AKR1C8: variants seen among roughly 807,000 people sequenced by gnomAD.
AKR1C8 encodes the protein aldo-keto reductase family 1 member C8.
the AKR1C8 span, among the ~76,000 whole-genome samples, chr10:5,180,315 G>A: frequency 2.0e-5 from 3 of 152,234 alleles, no homozygotes; most frequent in Non-Finnish European, 2.9e-5. Flanking sequence ...GAATGCTGCT[G>A]TCTGATCATT....
the AKR1C8 span, chr10:5,123,579 G>C: frequency 5.0e-6 from 4 of 800,588 alleles, no homozygotes; most frequent in South Asian, 6.4e-5. Context: ...CATCACCTGG[G>C]ATCTCGTCAG....
the AKR1C8 span, among the ~76,000 whole-genome samples, chr10:5,139,631 A>G: frequency 2.6e-5 from 4 of 152,202 alleles, no homozygotes. Context: ...CCTTCCTTAT[A>G]TCTTGTACAA....
the AKR1C8 span, chr10:5,158,653 C>G: frequency 2.0e-6 from 1 of 489,210 alleles, no homozygotes; most frequent in Admixed American, 2.2e-5. Flanking sequence ...GAACAATGTC[C>G]TTGGACTTGC....
At chr10:5,144,966 C>T in the AKR1C8 span, among the ~76,000 whole-genome samples, 5 of 151,612 alleles carry the variant, frequency 3.3e-5, no homozygotes, top group Admixed American at 6.6e-5. Flanking sequence ...AAAGGGAATG[C>T]TTCCAGTTTT....
At chr10:5,148,572 G>A in the AKR1C8 span, among the ~76,000 whole-genome samples, 1 of 152,134 alleles carries the variant, frequency 6.6e-6, no homozygotes, top group Non-Finnish European at 1.5e-5. Context: ...TACAGAATGA[G>A]GCAAGTGATT....
the AKR1C8 span, among the ~76,000 whole-genome samples, chr10:5,144,264 T>C: frequency 6.6e-6 from 1 of 152,152 alleles, no homozygotes; most frequent in African/African-American, 2.4e-5. Flanking sequence ...CCATGCTGTT[T>C]TGGTTACTGT....
chr10:5,181,086 G>A, the AKR1C8 span, among the ~76,000 whole-genome samples: 2 of 152,168 alleles, frequency 1.3e-5, no homozygotes, highest in Admixed American at 6.5e-5. Context: ...CGTCACTCAC[G>A]CTGGGAGGTG....
chr10:5,152,866 G>T, the AKR1C8 span, among the ~76,000 whole-genome samples: 1 of 152,036 alleles, frequency 6.6e-6, no homozygotes, highest in South Asian at 2.1e-4. Context: ...TTAATGCGGG[G>T]AGATATTTTC....
At chr10:5,149,538 G>A in the AKR1C8 span, among the ~76,000 whole-genome samples, 1 of 151,824 alleles carries the variant, frequency 6.6e-6, no homozygotes. Flanking sequence ...TCTCTTTTTT[G>A]TGGTCTCAAA....
At chr10:5,163,905 T>C in the AKR1C8 span, among the ~76,000 whole-genome samples, 2 of 152,142 alleles carry the variant, frequency 1.3e-5, no homozygotes, top group Non-Finnish European at 2.9e-5. Flanking sequence ...ACTACACTAA[T>C]AAGAGAACAA....
chr10:5,158,695 A>G, the AKR1C8 span: 10 of 490,704 alleles, frequency 2.0e-5, no homozygotes, highest in South Asian at 1.5e-4. Context: ...GGTTGAGGTA[A>G]GGGTGACATT....
the AKR1C8 span, among the ~76,000 whole-genome samples, chr10:5,174,798 G>T: frequency 6.6e-6 from 1 of 151,446 alleles, no homozygotes; most frequent in South Asian, 2.1e-4. Context: ...TTTTGCCTAG[G>T]AATAAAAGAC....
At chr10:5,122,599 G>T in the AKR1C8 span, among the ~76,000 whole-genome samples, 2 of 152,096 alleles carry the variant, frequency 1.3e-5, no homozygotes, top group African/African-American at 4.8e-5. Context: ...TCCCATTCAA[G>T]AAACCAACCT....
At chr10:5,132,913 G>T in the AKR1C8 span, 21 of 321,900 alleles carry the variant, frequency 6.5e-5, no homozygotes, top group African/African-American at 3.0e-4. Context: ...ATCCCAATTT[G>T]CTTTAGTCTT....
At chr10:5,124,987 A>G in the AKR1C8 span, among the ~76,000 whole-genome samples, 1 of 151,142 alleles carries the variant, frequency 6.6e-6, no homozygotes, top group Non-Finnish European at 1.5e-5. Context: ...ACCTTTTGAA[A>G]ACGTAAAAAA....
At chr10:5,171,623 A>G in the AKR1C8 span, among the ~76,000 whole-genome samples, 1 of 152,050 alleles carries the variant, frequency 6.6e-6, no homozygotes, top group Non-Finnish European at 1.5e-5. Flanking sequence ...ATGTCTGAGC[A>G]TAAGGTAAGA....
the AKR1C8 span, among the ~76,000 whole-genome samples, chr10:5,133,851 A>T: frequency 4.6e-5 from 7 of 152,182 alleles, no homozygotes. Context: ...GACAGAAGTA[A>T]ATATGACGAG....
chr10:5,138,933 C>G, the AKR1C8 span, among the ~76,000 whole-genome samples: 10 of 152,288 alleles, frequency 6.6e-5, no homozygotes, highest in Admixed American at 5.9e-4. Context: ...CCAAAATCTC[C>G]TTAAGCTGAT....
At chr10:5,175,439 T>A in the AKR1C8 span, among the ~76,000 whole-genome samples, 1 of 152,258 alleles carries the variant, frequency 6.6e-6, no homozygotes, top group Non-Finnish European at 1.5e-5. Context: ...TAAACATATG[T>A]GTGCATGTGT....
Sources: gnomAD v4.1 joint callset for allele counts (sites outside exome capture counted in the v4.1 genomes callset) on GRCh38, gnomAD v4.1.1 for gene constraint, MANE v1.5 for transcripts, NCBI Gene and HGNC (gene_info 2026-07-23, HGNC 2026-07-21) for gene names.